The following PRUNE2 variants were observed in gnomAD, a reference collection of about 807,000 sequenced individuals.
PRUNE2 encodes the protein protein prune homolog 2.
In PRUNE2, 164 loss-of-function variants were observed where a neutral mutation model predicts 252.0. The ratio of observed to expected loss-of-function variants is 0.65; its 90% CI spans 0.57 to 0.74. The LOEUF is 0.74. Among genes scored for constraint, PRUNE2 ranks in the 30% least tolerant of loss-of-function variants. PRUNE2 has a pLI of 0.00. For synonymous variants in PRUNE2, 1,292 were observed against 1,350.2 expected, an observed-to-expected ratio of 0.96 and a Z score of 0.94; for missense variants, 3,495 against 3,711.0, an observed-to-expected ratio of 0.94 and a Z score of 1.51.
Position 76,707,704 on chromosome 9 carries a change from C to T in PRUNE2, c.4570G>A (p.Gly1524Arg), listed in dbSNP as rs759779191. The T allele has an allele frequency of 1.9e-6, 3 of 1,613,798 alleles. No homozygotes were observed. The Admixed American group carries it at 5.0e-5, about 27-fold the overall frequency. Residue 1524 changes from glycine (G) to arginine (R), a missense_variant, in exon 8 of 19, where the codon GGA (glycine) becomes AGA (arginine). By Grantham distance (125) the Gly-to-Arg change is moderately radical. Coordinates refer to ENST00000376718, the MANE Select transcript of PRUNE2 (RefSeq NM_015225.3). ...DVKGSENSLPGAGSSGNFDRD... is the reference protein window; with the variant it reads ...DVKGSENSLPRAGSSGNFDRD... ...TCAAAATTTCCAGACGAACCGGCTC[C>T]TGGAAGGCTATTTTCAGACCCCTTA...
rs1439278380 is a variant in PRUNE2, at chr9:76,612,992, T to C, written c.*1578A>G. On this transcript the variant is annotated 3_prime_UTR_variant, in exon 19 of 19. Transcript: ENST00000376718. ...AATAGGAGACACTGGAGACTAAGAA[T>C]GGTTCCCAGAGTGAGGCACGGACTT... 6.6e-6 allele frequency: 1 copy of C among 152,302 alleles called. No homozygotes were observed. The highest frequency in any genetic ancestry group is 1.9e-4 in the East Asian group (1 of 5,176). The allele number at this position is 152,302 out of a possible 1,614,324, so 9.4% of individuals were successfully genotyped here. A position where few individuals can be genotyped will look rare whatever the true frequency, so the allele number is the denominator to read the frequency against.
chr9:76,801,614 C>T (rs1032021462), intron 6 of PRUNE2, among the ~76,000 whole-genome samples: 1 of 151,868 alleles, frequency 6.6e-6, no homozygotes, highest in Non-Finnish European at 1.5e-5. Flanking sequence ...TATTAATTTC[C>T]ACTTATTGTT....
At chr9:76,730,130 C>G (rs1362821319) in intron 6 of PRUNE2, among the ~76,000 whole-genome samples, 1 of 152,182 alleles carries the variant, frequency 6.6e-6, no homozygotes, top group Non-Finnish European at 1.5e-5. Flanking sequence ...GCAAACACAG[C>G]TGATACTTGG....
At position 76,738,259 on chromosome 9, in the gene PRUNE2, G is replaced by GT. The variant is rs1375872904; in HGVS notation, c.757-24539dup. The GT allele has an allele frequency of 2.6e-5, 4 of 152,230 alleles. No individual in the cohort carries two copies. In the East Asian group the frequency reaches 7.7e-4, roughly 29 times the overall value. The allele number at this position is 152,230 out of a possible 1,614,324, so 9.4% of individuals were successfully genotyped here. A position where few individuals can be genotyped will look rare whatever the true frequency, so the allele number is the denominator to read the frequency against. On this transcript the variant is annotated intron_variant, in intron 6 of 18. Coordinates refer to ENST00000376718, the MANE Select transcript of PRUNE2 (RefSeq NM_015225.3). The stretch of plus-strand genomic sequence containing the variant: ...AACCGAGCTGACTGTTTAAACACGG[G>GT]TTTTTTCACTAAATCGCGTCCACTG...
At chr9:76,783,188 G>A (rs770525274) in intron 6 of PRUNE2, among the ~76,000 whole-genome samples, 3 of 152,152 alleles carry the variant, frequency 2.0e-5, no homozygotes, top group African/African-American at 4.8e-5. Context: ...CCAGGTTCGA[G>A]TGCAATGGCA....
In PRUNE2 at chr9:76,707,584, G is replaced by T. The variant is rs1284998785; in HGVS notation, c.4690C>A (p.Pro1564Thr). 1 of 1,613,908 alleles carries T rather than the reference G, an allele frequency of 6.2e-7. No individual in the cohort carries two copies. Among genetic ancestry groups the T allele is most frequent in the East Asian group, 2.2e-5 (1 of 44,870 alleles). ...TTTTCTTCTTGATACCCAGAACTGG[G>T]TTGCTGGCCCCAGGAGGACAGTGCA... ...SVALSSWGQQ[P>T]SSGYQEENQG... Residue 1564 changes from proline (P) to threonine (T), a missense_variant, in exon 8 of 19, where the codon CCC (proline) becomes ACC (threonine). Coordinates refer to ENST00000376718, the MANE Select transcript of PRUNE2 (RefSeq NM_015225.3).
At chr9:76,836,817 G>A (rs2059007186) in intron 4 of PRUNE2, among the ~76,000 whole-genome samples, 1 of 152,126 alleles carries the variant, frequency 6.6e-6, no homozygotes, top group South Asian at 2.1e-4. Flanking sequence ...GTCCTGCTAG[G>A]GCCCAAAGCA....
chr9:76,687,882 C>T (rs2044265719), intron 9 of PRUNE2, among the ~76,000 whole-genome samples: 1 of 152,162 alleles, frequency 6.6e-6, no homozygotes, highest in African/African-American at 2.4e-5. Flanking sequence ...GCAGTTCCTC[C>T]AGATGCGGGG....
chr9:76,760,808 C>T (rs1485299668), intron 6 of PRUNE2, among the ~76,000 whole-genome samples: 6 of 152,096 alleles, frequency 3.9e-5, no homozygotes, highest in East Asian at 1.9e-4. Context: ...TGTCCAGACT[C>T]GGGCCGGGCG....
chr9:76,840,718 G>C (rs571185022), intron 4 of PRUNE2, among the ~76,000 whole-genome samples: 4 of 152,238 alleles, frequency 2.6e-5, no homozygotes, highest in African/African-American at 9.6e-5. Context: ...TGGTGGCTCA[G>C]GCCTGTAATC....
chr9:76,825,716 C>A (rs1372649165), intron 5 of PRUNE2, among the ~76,000 whole-genome samples: 2 of 152,218 alleles, frequency 1.3e-5, no homozygotes, highest in African/African-American at 4.8e-5. Context: ...AAAGCACTGA[C>A]TCTTGGGGTT....
intron 6 of PRUNE2, among the ~76,000 whole-genome samples, chr9:76,749,992 T>C (rs2050474040): frequency 6.6e-6 from 1 of 152,064 alleles, no homozygotes; most frequent in South Asian, 2.1e-4. Flanking sequence ...TTTGTTCTAA[T>C]GAGATGACAC....
intron 17 of PRUNE2, among the ~76,000 whole-genome samples, chr9:76,621,222 A>C (rs556093308): frequency 6.6e-6 from 1 of 152,306 alleles, no homozygotes; most frequent in African/African-American, 2.4e-5. Context: ...AGTCAGGCGC[A>C]TCTGTCAACA....
intron 6 of PRUNE2, among the ~76,000 whole-genome samples, chr9:76,790,696 T>C (rs192067361): frequency 6.6e-6 from 1 of 152,368 alleles, no homozygotes; most frequent in Non-Finnish European, 1.5e-5. Context: ...TGGATGTGGA[T>C]GTGTGTTTGC....
At chr9:76,825,931 T>C (rs767650460) in intron 5 of PRUNE2, among the ~76,000 whole-genome samples, 7 of 152,350 alleles carry the variant, frequency 4.6e-5, no homozygotes, top group South Asian at 4.1e-4. Flanking sequence ...ATTAACTGAT[T>C]TATGAAATCC....
chr9:76,749,611 T>G (rs1362288691), intron 6 of PRUNE2, among the ~76,000 whole-genome samples: 1 of 152,258 alleles, frequency 6.6e-6, no homozygotes, highest in East Asian at 1.9e-4. Context: ...CCAGCTGTCC[T>G]TGCTTGGCAC....
chr9:76,616,303 T>G (rs1160381866), intron 18 of PRUNE2, among the ~76,000 whole-genome samples: 1 of 152,224 alleles, frequency 6.6e-6, no homozygotes, highest in Non-Finnish European at 1.5e-5. Flanking sequence ...TATACTGTTT[T>G]TGCTTTTAAA....
At chr9:76,786,898 G>A (rs2055042298) in intron 6 of PRUNE2, 1 of 152,120 alleles carries the variant, frequency 6.6e-6, no homozygotes, top group Admixed American at 6.5e-5. Flanking sequence ...GTGGCTCCTT[G>A]TGGTACATGC....
At chr9:76,723,212 T>C (rs57608282) in intron 6 of PRUNE2, among the ~76,000 whole-genome samples, 31,380 of 152,104 alleles carry the variant, frequency 0.21, 3,593 homozygotes, top group East Asian at 0.49. Context: ...CAGTAGTATG[T>C]ACTTTTGAAA....
Sources: allele counts gnomAD v4.1 joint callset (sites outside exome capture counted in the v4.1 genomes callset), GRCh38; gene constraint gnomAD v4.1.1; transcripts MANE v1.5; gene names NCBI Gene and HGNC (gene_info 2026-07-23, HGNC 2026-07-21).